The following CLASP1 variants were observed in gnomAD, a reference collection of about 807,000 sequenced individuals.
CLASP1 encodes cytoplasmic linker associated protein 1.
CLASP1 carries 38 observed loss-of-function variants against 192.3 expected under a neutral mutation model. The ratio of observed to expected loss-of-function variants is 0.20; its 90% CI spans 0.15 to 0.26. The LOEUF is 0.26. Ranked by LOEUF, CLASP1 falls within the 10% of genes least tolerant of loss-of-function variation. The pLI, the probability that CLASP1 is intolerant of heterozygous loss-of-function variation, is 1.00. For synonymous variants in CLASP1, 691 were observed against 712.8 expected, an observed-to-expected ratio of 0.97 and a Z score of 0.49; for missense variants, 1,433 against 1,932.5, an observed-to-expected ratio of 0.74 and a Z score of 4.85.
At chr2:121,638,660 GTTCT>G (rs755042332) in intron 1 of CLASP1, among the ~76,000 whole-genome samples, 9 of 142,080 alleles carry the variant, frequency 6.3e-5, no homozygotes, top group Admixed American at 2.8e-4. Context: ...AAAGAATGGT[GTTCT>G]TTTTTATTTT....
At chr2:121,643,119 A>C (rs1363817215) in intron 1 of CLASP1, among the ~76,000 whole-genome samples, 1 of 152,256 alleles carries the variant, frequency 6.6e-6, no homozygotes, top group Non-Finnish European at 1.5e-5. Flanking sequence ...GCACCATGCT[A>C]TCAGATGGCC....
At chr2:121,441,424 T>G (rs1271106670) in intron 19 of CLASP1, among the ~76,000 whole-genome samples, 1 of 152,066 alleles carries the variant, frequency 6.6e-6, no homozygotes, top group African/African-American at 2.4e-5. Flanking sequence ...ACAACTATTC[T>G]CCCCAAAAGA....
intron 33 of CLASP1, among the ~76,000 whole-genome samples, chr2:121,377,897 C>A (rs2070636446): frequency 6.6e-6 from 1 of 152,016 alleles, no homozygotes; most frequent in South Asian, 2.1e-4. Flanking sequence ...ACAACAGTAA[C>A]CACGAGAATG....
intron 8 of CLASP1, among the ~76,000 whole-genome samples, chr2:121,491,404 A>T (rs1441076337): frequency 6.6e-6 from 1 of 152,266 alleles, no homozygotes; most frequent in Non-Finnish European, 1.5e-5. Flanking sequence ...TGTATTTTTT[A>T]ACCAAATTAA....
At chr2:121,428,842 C>T (rs907513892) in intron 20 of CLASP1, among the ~76,000 whole-genome samples, 5 of 152,332 alleles carry the variant, frequency 3.3e-5, no homozygotes, top group Admixed American at 1.3e-4. Flanking sequence ...ACATGTTAGG[C>T]TCCTAATGCT....
intron 36 of CLASP1, 66 bp downstream of exon 37, chr2:121,365,028 T>A (rs969825850): frequency 6.9e-7 from 1 of 1,441,116 alleles, no homozygotes; most frequent in African/African-American, 1.4e-5. Context: ...CTAAGCCCAA[T>A]AAGAAAAGGA....
intron 19 of CLASP1, among the ~76,000 whole-genome samples, chr2:121,435,488 G>A (rs1299903579): frequency 6.6e-6 from 1 of 152,070 alleles, no homozygotes; most frequent in Non-Finnish European, 1.5e-5. Flanking sequence ...TGGTCAGGCT[G>A]GTCTTGACCT....
intron 1 of CLASP1, among the ~76,000 whole-genome samples, chr2:121,637,665 C>T (rs1409567719): frequency 1.3e-5 from 2 of 152,144 alleles, no homozygotes; most frequent in African/African-American, 4.8e-5. Flanking sequence ...GCAGGTGGAT[C>T]ACCCAAGGTG....
chr2:121,528,625 T>G (rs1177751174), intron 4 of CLASP1, 52 bp downstream of exon 4: 1 of 1,389,078 alleles, frequency 7.2e-7, no homozygotes, highest in African/African-American at 1.4e-5. Context: ...CCCTCGCACG[T>G]GCATGCACGC....
chr2:121,444,984 A>T (rs1238429514), intron 19 of CLASP1: 1 of 1,347,350 alleles, frequency 7.4e-7, no homozygotes, highest in African/African-American at 1.5e-5. Context: ...TTAAAAAACA[A>T]GGGAAGGGAT....
chr2:121,590,740 AG>A (rs2062290846), intron 2 of CLASP1, among the ~76,000 whole-genome samples: 1 of 152,358 alleles, frequency 6.6e-6, no homozygotes, highest in Admixed American at 6.5e-5. Flanking sequence ...TGTTTGAAAA[AG>A]GTTGTTCCCA....
At chr2:121,371,584 A>C (rs1558921686) in intron 34 of CLASP1, among the ~76,000 whole-genome samples, 1 of 151,914 alleles carries the variant, frequency 6.6e-6, no homozygotes, top group African/African-American at 2.4e-5. Context: ...TCTTGATAGG[A>C]GTTCTGTTTC....
chr2:121,427,484 AAC>A lies in CLASP1; in HGVS notation c.2018-56_2018-55del, dbSNP rs777109352. 6.6e-5 allele frequency: 104 copies of A among 1,585,376 alleles called. 1 individual carries two copies. The highest frequency in any genetic ancestry group is 1.3e-5 in the African/African-American group (1 of 74,486). ...GGCAAAAAGTGGATTAAAAGACAAT[AAC>A]ACAATACAGAAGGTCAGCATGCAAC... On this transcript the variant is annotated intron_variant, in intron 20 of 39. Coordinates refer to ENST00000263710, the Ensembl canonical transcript of CLASP1.
intron 1 of CLASP1, among the ~76,000 whole-genome samples, chr2:121,645,501 T>C (rs1049340814): frequency 2.0e-5 from 3 of 152,222 alleles, no homozygotes; most frequent in Non-Finnish European, 4.4e-5. Context: ...TACATTAGGA[T>C]ACATTTGTTT....
chr2:121,449,161 C>A (rs768408441), intron 16 of CLASP1, 41 bp from the exon 17 acceptor site: 8 of 1,581,042 alleles, frequency 5.1e-6, no homozygotes, highest in Non-Finnish European at 4.3e-6. Flanking sequence ...TTCAAGGATC[C>A]AAACAGGTCT....
intron 2 of CLASP1, among the ~76,000 whole-genome samples, chr2:121,531,216 T>G (rs1004787977): frequency 1.3e-5 from 2 of 152,158 alleles, no homozygotes. Flanking sequence ...AACTGTTCTG[T>G]AACTTCCTTA....
At chr2:121,528,891 T>C (rs1035449330) in intron 3 of CLASP1, 111 bp from the exon 4 acceptor site, 20 of 802,582 alleles carry the variant, frequency 2.5e-5, no homozygotes, top group Non-Finnish European at 3.6e-5. Flanking sequence ...CTAAATGATG[T>C]ATCTCATTCT....
At chr2:121,519,086 G>A (rs754433947) in intron 6 of CLASP1, among the ~76,000 whole-genome samples, 16 of 152,116 alleles carry the variant, frequency 1.1e-4, no homozygotes, top group Admixed American at 6.5e-5. Flanking sequence ...GAGATTTACT[G>A]GAAAAATTAC....
At chr2:121,635,033 T>C (rs953211792) in intron 1 of CLASP1, among the ~76,000 whole-genome samples, 6 of 152,124 alleles carry the variant, frequency 3.9e-5, no homozygotes, top group South Asian at 4.2e-4. Flanking sequence ...GTTTAAACTC[T>C]TGTTAAATCA....
Sources: gnomAD v4.1 joint callset for allele counts (sites outside exome capture counted in the v4.1 genomes callset) on GRCh38, gnomAD v4.1.1 for gene constraint, MANE v1.5 for transcripts, NCBI Gene and HGNC (gene_info 2026-07-23, HGNC 2026-07-21) for gene names.